The following SH3BP2 variants were observed in gnomAD, a reference collection of about 807,000 sequenced individuals.
SH3BP2 encodes the protein SH3 domain binding protein 2.
A neutral mutation model predicts 56.2 loss-of-function variants in SH3BP2; 38 were observed. That is an observed-to-expected ratio of 0.68 (90% CI 0.52 to 0.89). The LOEUF (loss-of-function observed/expected upper bound fraction) is 0.89, where lower values mean the gene tolerates loss of function less well. Ranked by LOEUF, SH3BP2 falls within the 40% of genes least tolerant of loss-of-function variation. The pLI is 0.00. For synonymous variants in SH3BP2, 346 were observed against 316.7 expected (o/e 1.09, Z -0.98); for missense variants, 748 against 762.6 (o/e 0.98, Z 0.23).
At position 2,833,038 on chromosome 4, in the gene SH3BP2, A is replaced by AT. The variant is rs1249222423; in HGVS notation, c.1542dup (p.Glu515Ter). 1.2e-6 allele frequency: 2 copies of AT among 1,614,088 alleles called. No homozygotes were observed. The highest frequency in any genetic ancestry group is 1.7e-6 in the Non-Finnish European group (2 of 1,179,994). ...CTCTAACAAAGTGAGGAACTATCGCATTTTTGAGAAGGTGAGAGGGCTCTG... is the reference window on the plus strand; with the variant it reads ...CTCTAACAAAGTGAGGAACTATCGCATTTTTTGAGAAGGTGAGAGGGCTCTG... On this transcript the variant is annotated frameshift_variant, in exon 12 of 13. Coordinates refer to ENST00000503393, the MANE Select transcript of SH3BP2 (RefSeq NM_001122681.2). LOFTEE classifies it high-confidence loss of function.
rs542442067 is a variant in SH3BP2 at position 2,817,333 on chromosome 4, G to A, written c.-4-3281G>A. ...GAGGCAATGGAGAGGGGCCTGGCAG[G>A]GCGGCTGGAAGGAGGTGGGATCCTT... On this transcript the variant is annotated intron_variant, in intron 1 of 12. Transcript: ENST00000503393. Among the ~76,000 whole-genome samples the A allele has an allele frequency of 4.6e-5, 7 of 152,318 alleles. No homozygotes were observed. In the South Asian group the frequency reaches 1.4e-3, roughly 32 times the overall value.
rs1240594031 is a variant in SH3BP2 at position 2,839,360 on chromosome 4, G to A, written c.*5526G>A. 1 of 151,636 alleles carries A rather than the reference G, an allele frequency of 6.6e-6. No individual in the cohort carries two copies. The highest frequency in any genetic ancestry group is 1.5e-5 in the Non-Finnish European group (1 of 67,942). The allele number at this position is 151,636 out of a possible 1,614,324, so 9.4% of individuals were successfully genotyped here. A position where few individuals can be genotyped will look rare whatever the true frequency, so the allele number is the denominator to read the frequency against. On this transcript the variant is annotated 3_prime_UTR_variant, in exon 13 of 13. Coordinates refer to ENST00000503393, the MANE Select transcript of SH3BP2 (RefSeq NM_001122681.2). Reference sequence around the variant, plus strand: ...ATTTTTTGTATTTTTAAGTAGAGACGGGTTTCATCATGTTATGCAGGCTGC... The same window carrying A: ...ATTTTTTGTATTTTTAAGTAGAGACAGGTTTCATCATGTTATGCAGGCTGC...
Position 2,834,333 on chromosome 4 carries a change from T to G in SH3BP2, c.*499T>G. The G allele has an allele frequency of 6.4e-6, 1 of 157,374 alleles. No homozygotes were observed. The highest frequency in any genetic ancestry group is 6.2e-5 in the Admixed American group (1 of 16,016). The allele number at this position is 157,374 out of a possible 1,614,324, so 9.7% of individuals were successfully genotyped here. A position where few individuals can be genotyped will look rare whatever the true frequency, so the allele number is the denominator to read the frequency against. Reference sequence around the variant, plus strand: ...ATTGGGAAGGAGGGGATTACCAGCTTACTGGGTGCCCATGCTGATGTCTAA... The same window carrying G: ...ATTGGGAAGGAGGGGATTACCAGCTGACTGGGTGCCCATGCTGATGTCTAA... On this transcript the variant is annotated 3_prime_UTR_variant, in exon 13 of 13. Transcript: ENST00000503393.
intron 1 of SH3BP2, 125 bp from the exon 2 acceptor site, chr4:2,820,489 T>G: frequency 7.9e-7 from 1 of 1,264,058 alleles, no homozygotes. Context: ...AGGGGTTTCC[T>G]TGCCTGTCAT....
chr4:2,830,005 C>G lies in SH3BP2; in HGVS notation c.1099C>G (p.Pro367Ala). The G allele has an allele frequency of 6.2e-7, 1 of 1,613,092 alleles. No individual in the cohort carries two copies. The highest frequency in any genetic ancestry group is 8.5e-7 in the Non-Finnish European group (1 of 1,179,996). Residue 367 changes from proline to alanine, a missense_variant, in exon 8 of 13, where the codon CCC becomes GCC. Transcript: ENST00000503393. ...GTTCCTGAAGATAGCTGAAGAGGAC[C>G]CCCCAAGGGAGGCAGCCATGCCCGG... ...PKFLKIAEED[P>A]PREAAMPGLF... is the part of the protein sequence containing the mutation.
intron 1 of SH3BP2, among the ~76,000 whole-genome samples, chr4:2,807,433 C>CCTTGGAGATTCAGTGGGA (rs1269755645): frequency 6.6e-6 from 1 of 152,094 alleles, no homozygotes; most frequent in African/African-American, 2.4e-5. Flanking sequence ...CCCATCTGGG[C>CCTTGGAGATTCAGTGGGA]CTTGGAGATT....
chr4:2,837,388 G>A lies in SH3BP2; in HGVS notation c.*3554G>A, dbSNP rs948212869. The A allele has an allele frequency of 1.3e-5, 2 of 152,258 alleles. No individual in the cohort carries two copies. The highest frequency in any genetic ancestry group is 6.5e-5 in the Admixed American group (1 of 15,292). 9.4% of individuals were successfully genotyped at this position (152,258 alleles called of 1,614,324 possible). ...GTTCCCACTGATCCTTCTGGGCCAC[G>A]TTGTGCGGAGCTCCCCTGCTGGTTG... On this transcript the variant is annotated 3_prime_UTR_variant, in exon 13 of 13. Transcript: ENST00000503393.
In SH3BP2 at chr4:2,832,315, G is replaced by A; in HGVS notation, c.1407-16G>A. The A allele has an allele frequency of 6.2e-7, 1 of 1,608,010 alleles. No homozygotes were observed. The highest frequency in any genetic ancestry group is 8.5e-7 in the Non-Finnish European group (1 of 1,174,404). On this transcript the variant is annotated splice_polypyrimidine_tract_variant and intron_variant, in intron 10 of 12. Coordinates refer to ENST00000503393, the MANE Select transcript of SH3BP2 (RefSeq NM_001122681.2). ...CCGAGGAGGACTCACCCGCTAATAT[G>A]ACTGTCTTATTTTAGGTTGTTCAAG... is the stretch of plus-strand genomic sequence containing the variant.
chr4:2,799,783 G>A (rs1416977078), intron 1 of SH3BP2, among the ~76,000 whole-genome samples: 3 of 152,216 alleles, frequency 2.0e-5, no homozygotes, highest in Admixed American at 6.5e-5. Flanking sequence ...TGCCAGGGGC[G>A]CCTCACGGAT....
In SH3BP2 at chr4:2,827,656, G is replaced by A. The variant is rs761070963; in HGVS notation, c.568G>A (p.Glu190Lys). Residue 190 changes from glutamate to lysine, a missense_variant, in exon 7 of 13, where the codon GAG becomes AAG. Physicochemically the swap from Glu to Lys is moderately conservative, Grantham distance 56 (BLOSUM62 1). Around this residue, in one of 3 missense-constraint regions of SH3BP2, gnomAD observed 635 missense variants for 615.0 expected, o/e 1.03. Transcript: ENST00000503393. ...DDSYLEPDSP[E>K]PGRLEDALMH... is the part of the protein sequence containing the mutation. Reference sequence around the variant, plus strand: ...CTCCTACCTGGAGCCTGACTCCCCGGAGCCCGGAAGGCTTGAGGGTAGGTG... The same window carrying A: ...CTCCTACCTGGAGCCTGACTCCCCGAAGCCCGGAAGGCTTGAGGGTAGGTG... 5.0e-6 allele frequency: 8 copies of A among 1,591,538 alleles called. No individual in the cohort carries two copies. In the South Asian group the frequency reaches 9.1e-5, roughly 18 times the overall value.
intron 7 of SH3BP2, 73 bp downstream of exon 7, chr4:2,827,747 C>T (rs1724754383): frequency 2.2e-6 from 3 of 1,349,982 alleles, no homozygotes; most frequent in South Asian, 1.2e-5. Context: ...AGCAGAGCCC[C>T]TCCGAGGCTG....
At chr4:2,811,469 G>A (rs1203770762) in intron 1 of SH3BP2, among the ~76,000 whole-genome samples, 1 of 152,212 alleles carries the variant, frequency 6.6e-6, no homozygotes, top group Non-Finnish European at 1.5e-5. Context: ...CAAGTTCTGG[G>A]AGGAGAGGGA....
chr4:2,814,576 A>G (rs1454248889), intron 1 of SH3BP2, among the ~76,000 whole-genome samples: 2 of 152,338 alleles, frequency 1.3e-5, no homozygotes, highest in East Asian at 3.9e-4. Context: ...ACATGCAAAG[A>G]TCACATACTT....
rs1725244768 is a variant in SH3BP2, at chr4:2,836,702, G to C, written c.*2868G>C. ...TCTGGAGGTGCTTTCACTCAACCAA[G>C]GGGGCCACAGCACTGGGGAGTGAAA... On this transcript the variant is annotated 3_prime_UTR_variant, in exon 13 of 13. Transcript: ENST00000503393. The C allele has an allele frequency of 6.6e-6, 1 of 152,314 alleles. No individual in the cohort carries two copies. The allele number at this position is 152,314 out of a possible 1,614,324, so 9.4% of individuals were successfully genotyped here. A position where few individuals can be genotyped will look rare whatever the true frequency, so the allele number is the denominator to read the frequency against.
In SH3BP2 at chr4:2,838,193, G is replaced by A. The variant is rs1400705632; in HGVS notation, c.*4359G>A. The stretch of plus-strand genomic sequence containing the variant: ...GCACAACCTAACACACTGTTAGGAA[G>A]TGAACGATCTGCAACCACCATCAGG... On this transcript the variant is annotated 3_prime_UTR_variant, in exon 13 of 13. Coordinates refer to ENST00000503393, the MANE Select transcript of SH3BP2 (RefSeq NM_001122681.2). 6.6e-6 allele frequency: 1 copy of A among 152,274 alleles called. No individual in the cohort carries two copies. Among genetic ancestry groups the A allele is most frequent in the Non-Finnish European group, 1.5e-5 (1 of 68,066 alleles). 9.4% of individuals were successfully genotyped at this position (152,274 alleles called of 1,614,324 possible).
intron 12 of SH3BP2, 183 bp downstream of exon 12, chr4:2,833,232 G>T: frequency 3.0e-6 from 2 of 666,620 alleles, no homozygotes; most frequent in Non-Finnish European, 5.4e-6. Flanking sequence ...CCCTCCTCTC[G>T]TGGCCTACCT....
In SH3BP2 at chr4:2,827,582, C is replaced by A. The variant is rs763478996; in HGVS notation, c.518-24C>A. ...ACTGGGCCTGGGCCGGTTTGGCTCT[C>A]ACCACCCCCCTCTCCCCATGCAGAC... is the stretch of plus-strand genomic sequence containing the variant. On this transcript the variant is annotated intron_variant, in intron 6 of 12. Coordinates refer to ENST00000503393, the MANE Select transcript of SH3BP2 (RefSeq NM_001122681.2). 8 of 1,575,216 alleles carry A rather than the reference C, an allele frequency of 5.1e-6. No individual in the cohort carries two copies. The Admixed American group carries it at 1.5e-4, about 29-fold the overall frequency.
At position 2,806,593 on chromosome 4, in the gene SH3BP2, T is replaced by C. The variant is rs115125701; in HGVS notation, c.-5+13455T>C. 8.2e-3 allele frequency among the ~76,000 whole-genome samples: 1,238 copies of C among 151,226 alleles called. 21 individuals are homozygous for C. The highest frequency in any genetic ancestry group is 0.029 in the African/African-American group (1,190 of 40,676). ...CCCACCTCGCCTTGCCTCACTTCAC[T>C]GTCTCCAGCCCCACCTCACCGTCTC... On this transcript the variant is annotated intron_variant, in intron 1 of 12. Transcript: ENST00000503393.
intron 1 of SH3BP2, among the ~76,000 whole-genome samples, chr4:2,804,345 C>T (rs1723443419): frequency 6.6e-6 from 1 of 152,200 alleles, no homozygotes. Flanking sequence ...GCTTCTTTGC[C>T]CGAGTTTTCT....
Sources: allele counts gnomAD v4.1 joint callset (sites outside exome capture counted in the v4.1 genomes callset), GRCh38; gene constraint gnomAD v4.1.1; regional missense constraint gnomAD v4.1.1; transcripts MANE v1.5; gene names NCBI Gene and HGNC (gene_info 2026-07-23, HGNC 2026-07-21).